The following MMS19 variants were observed in gnomAD, a reference collection of about 807,000 sequenced individuals.
The protein encoded by MMS19 is MMS19 cytosolic iron-sulfur assembly component.
Under a neutral mutation model 129.8 loss-of-function variants are expected in MMS19, and 77 were observed. The observed-to-expected ratio is 0.59, with a 90% CI of 0.49 to 0.72. MMS19 has a LOEUF of 0.72. Ranked by LOEUF, MMS19 falls within the 30% of genes least tolerant of loss-of-function variation. The pLI is 0.00. For synonymous variants in MMS19, 491 were observed against 502.8 expected, an observed-to-expected ratio of 0.98 and a Z score of 0.31; for missense variants, 1,168 against 1,266.3, an observed-to-expected ratio of 0.92 and a Z score of 1.18.
At chr10:97,484,449 T>C (rs931737129) in intron 1 of MMS19, among the ~76,000 whole-genome samples, 3 of 152,138 alleles carry the variant, frequency 2.0e-5, no homozygotes, top group African/African-American at 4.8e-5. Context: ...ATTAGCTGGA[T>C]ACAAAATATT....
chr10:97,489,701 C>T (rs1045380651), intron 1 of MMS19, among the ~76,000 whole-genome samples: 5 of 152,224 alleles, frequency 3.3e-5, no homozygotes, highest in African/African-American at 4.8e-5. Flanking sequence ...CTCTCCTGGT[C>T]TGTGAAAGTT....
At chr10:97,470,280 A>G (rs2034413195) in intron 9 of MMS19, 77 bp from the exon 10 acceptor site, 1 of 993,060 alleles carries the variant, frequency 1.0e-6, no homozygotes, top group East Asian at 2.6e-5. Flanking sequence ...TGTCCTTGCC[A>G]TCAGTCCCTA....
intron 19 of MMS19, 187 bp from the exon 20 acceptor site, chr10:97,462,869 G>A: frequency 1.7e-6 from 1 of 599,354 alleles, no homozygotes; most frequent in Admixed American, 2.9e-5. Context: ...GGTCTGACCT[G>A]GGGCCACAGA....
intron 30 of MMS19, 27 bp downstream of exon 30, chr10:97,458,773 A>C (rs780173790): frequency 1.2e-6 from 2 of 1,613,632 alleles, no homozygotes; most frequent in South Asian, 1.1e-5. Flanking sequence ...TCTTGGTCCC[A>C]TCTCTCCCCA....
intron 3 of MMS19, 174 bp downstream of exon 3, chr10:97,480,767 TG>T: frequency 3.2e-6 from 2 of 619,782 alleles, no homozygotes; most frequent in South Asian, 3.7e-5. Flanking sequence ...CCATGTGTCT[TG>T]TGTCTCAATT....
chr10:97,468,200 G>A (rs865778239), intron 13 of MMS19, 52 bp downstream of exon 13: 5 of 1,462,426 alleles, frequency 3.4e-6, no homozygotes, highest in East Asian at 2.5e-5. Context: ...TCTGAGAAAG[G>A]GAACCTAGCA....
At chr10:97,477,985 G>A (rs1272408255) in intron 4 of MMS19, 56 bp from the exon 5 acceptor site, 1 of 1,201,078 alleles carries the variant, frequency 8.3e-7, no homozygotes, top group Non-Finnish European at 1.2e-6. Context: ...TGGCCTCCAA[G>A]ACACAACCCT....
intron 1 of MMS19, among the ~76,000 whole-genome samples, chr10:97,492,571 A>T (rs2039092544): frequency 6.7e-6 from 1 of 149,086 alleles, no homozygotes. Flanking sequence ...GATGGTGGCC[A>T]GGCATGGTGG....
At chr10:97,466,454 A>G (rs1028420666) in intron 16 of MMS19, 50 bp downstream of exon 16, 1 of 1,418,814 alleles carries the variant, frequency 7.0e-7, no homozygotes, top group Non-Finnish European at 1.0e-6. Flanking sequence ...TTTGCTGCCA[A>G]TACAGAGGCA....
chr10:97,483,560 T>C (rs1286181776), intron 2 of MMS19, among the ~76,000 whole-genome samples: 6 of 152,254 alleles, frequency 3.9e-5, no homozygotes, highest in Admixed American at 3.9e-4. Flanking sequence ...CTATACCAAT[T>C]ATGAAATACG....
At chr10:97,473,261 C>T (rs368165727) in intron 8 of MMS19, among the ~76,000 whole-genome samples, 1 of 152,038 alleles carries the variant, frequency 6.6e-6, no homozygotes, top group South Asian at 2.1e-4. Flanking sequence ...GTCTCGAACT[C>T]CTGACCTCAA....
intron 1 of MMS19, among the ~76,000 whole-genome samples, chr10:97,487,464 G>A (rs188901476): frequency 2.0e-5 from 3 of 151,902 alleles, no homozygotes; most frequent in Non-Finnish European, 4.4e-5. Context: ...GACTACAGGC[G>A]CCCACCACCA....
chr10:97,490,277 G>C (rs1361087545), intron 1 of MMS19, among the ~76,000 whole-genome samples: 2 of 151,918 alleles, frequency 1.3e-5, no homozygotes, highest in Non-Finnish European at 2.9e-5. Context: ...ACAGGGTTTT[G>C]CCATGTTGCC....
chr10:97,492,758 C>T (rs2039128009), intron 1 of MMS19, among the ~76,000 whole-genome samples: 1 of 148,970 alleles, frequency 6.7e-6, no homozygotes, highest in Non-Finnish European at 1.5e-5. Context: ...GTTTCGGAGG[C>T]TGAGGCAGAA....
At chr10:97,459,119 C>T (rs1564609993) in intron 29 of MMS19, 104 bp downstream of exon 29, 2 of 1,141,932 alleles carry the variant, frequency 1.8e-6, no homozygotes, top group East Asian at 5.1e-5. Context: ...ATTCAGATCT[C>T]AATTACACAC....
At chr10:97,467,386 A>G (rs1356559949) in intron 14 of MMS19, 119 bp downstream of exon 14, 1 of 682,818 alleles carries the variant, frequency 1.5e-6, no homozygotes, top group Non-Finnish European at 2.5e-6. Flanking sequence ...CTTGTGCTAC[A>G]ACCTCAGAAT....
At chr10:97,498,479 A>C, upstream of MMS19, 4 of 1,510,872 alleles carry the variant, frequency 2.6e-6, no homozygotes, top group South Asian at 1.2e-5. Context: ...GGGGAAGCGC[A>C]AGGGGGCGGG....
chr10:97,478,308 G>A lies in MMS19; in HGVS notation c.344C>T (p.Ala115Val). ...VIPSVLQGLK[A>V]LSLCVALPPG... is the part of the protein sequence containing the mutation. ...ATGAAATGAAGGAAAACTCACAAGT[G>A]CCTTCAAACCCTGCAGGACAGATGG... The change falls in exon 4 of 31, where the codon GCA (alanine) becomes GTA (valine). Residue 115 changes from alanine (A) to valine (V), a missense_variant. Coordinates refer to ENST00000438925, the MANE Select transcript of MMS19 (RefSeq NM_022362.5). 6.3e-7 allele frequency: 1 copy of A among 1,595,476 alleles called. No homozygotes were observed.
intron 13 of MMS19, 136 bp from the exon 14 acceptor site, chr10:97,467,719 A>G: frequency 1.3e-6 from 1 of 751,286 alleles, no homozygotes. Flanking sequence ...GCTGGAATAC[A>G]GTAGCATGAT....
Sources: gnomAD v4.1 joint callset for allele counts (sites outside exome capture counted in the v4.1 genomes callset) on GRCh38, gnomAD v4.1.1 for gene constraint, MANE v1.5 for transcripts, NCBI Gene and HGNC (gene_info 2026-07-23, HGNC 2026-07-21) for gene names.